Variants in CROT observed in about 807,000 individuals in gnomAD.
The protein encoded by CROT is peroxisomal carnitine O-octanoyltransferase.
CROT carries 84 observed loss-of-function variants against 89.2 expected under a neutral mutation model. The ratio of observed to expected loss-of-function variants is 0.94; its 90% CI spans 0.79 to 1.13. The LOEUF is 1.13. Ranked by LOEUF, CROT falls within the 50% of genes most tolerant of loss-of-function variation. The pLI is 0.00. For synonymous variants in CROT, 212 were observed against 239.5 expected (o/e 0.89, Z 1.06); for missense variants, 711 against 727.8 (o/e 0.98, Z 0.27).
chr7:87,354,182 CAGA>C (rs886085800), intron 3 of CROT, among the ~76,000 whole-genome samples: 4 of 152,158 alleles, frequency 2.6e-5, no homozygotes, highest in Non-Finnish European at 5.9e-5. Context: ...AGAAGCAATA[CAGA>C]AGGTTACATG....
At chr7:87,390,244 A>G (rs1333584643) in intron 13 of CROT, among the ~76,000 whole-genome samples, 2 of 152,172 alleles carry the variant, frequency 1.3e-5, no homozygotes, top group African/African-American at 4.8e-5. Context: ...TTTCTACTCC[A>G]TCTTTTAAGA....
intron 6 of CROT, among the ~76,000 whole-genome samples, chr7:87,368,802 A>T (rs1480497263): frequency 6.6e-6 from 1 of 152,224 alleles, no homozygotes; most frequent in Non-Finnish European, 1.5e-5. Flanking sequence ...GCAAACAAAC[A>T]GTTCTTGGGG....
In CROT at chr7:87,354,834, A is replaced by T. The variant is rs1806008074; in HGVS notation, c.116-4372A>T. 2.6e-5 allele frequency among the ~76,000 whole-genome samples: 4 copies of T among 152,334 alleles called. No homozygotes were observed. In the South Asian group the frequency reaches 8.3e-4, roughly 32 times the overall value. On this transcript the variant is annotated intron_variant, in intron 3 of 17. Coordinates refer to ENST00000331536, the MANE Select transcript of CROT (RefSeq NM_021151.4). ...AATCTTGTTTTAACATCGGGGACCAAAATTTAGAAAGACTTATTTATAAAT... is the reference window on the plus strand; with the variant it reads ...AATCTTGTTTTAACATCGGGGACCATAATTTAGAAAGACTTATTTATAAAT...
chr7:87,394,750 A>T (rs1807471929), intron 17 of CROT, among the ~76,000 whole-genome samples: 1 of 152,154 alleles, frequency 6.6e-6, no homozygotes, highest in Non-Finnish European at 1.5e-5. Flanking sequence ...TGATTCTAGA[A>T]AAAGCGAAGT....
At chr7:87,395,515 A>G (rs1446904796) in intron 17 of CROT, among the ~76,000 whole-genome samples, 1 of 152,190 alleles carries the variant, frequency 6.6e-6, no homozygotes, top group Non-Finnish European at 1.5e-5. Flanking sequence ...GGCCAACACT[A>G]CTGTTTTGTG....
At position 87,359,340 on chromosome 7, in the gene CROT, G is replaced by A. The variant is rs1458905218; in HGVS notation, c.240+10G>A. On this transcript the variant is annotated intron_variant, in intron 4 of 17. Coordinates refer to ENST00000331536, the MANE Select transcript of CROT (RefSeq NM_021151.4). Reference sequence around the variant, plus strand: ...AGGAAAAAGAAATTGGGTATTTGTTGTTATAATTGAATAATGATGATGTTT... The same window carrying A: ...AGGAAAAAGAAATTGGGTATTTGTTATTATAATTGAATAATGATGATGTTT... 4 of 1,589,026 alleles carry A rather than the reference G, an allele frequency of 2.5e-6. No individual in the cohort carries two copies. The highest frequency in any genetic ancestry group is 3.4e-6 in the Non-Finnish European group (4 of 1,165,142).
At chr7:87,357,114 A>C (rs1806104342) in intron 3 of CROT, among the ~76,000 whole-genome samples, 2 of 152,208 alleles carry the variant, frequency 1.3e-5, no homozygotes, top group Admixed American at 1.3e-4. Context: ...TGACAGTCAG[A>C]AGGCAAGTGT....
chr7:87,349,087 A>G lies in CROT; in HGVS notation c.19A>G (p.Lys7Glu), dbSNP rs1562925314. 1.2e-6 allele frequency: 2 copies of G among 1,600,592 alleles called. No homozygotes were observed. The highest frequency in any genetic ancestry group is 1.7e-6 in the Non-Finnish European group (2 of 1,170,868). The change falls in exon 3 of 18, where the codon AAA becomes GAA. Residue 7 changes from lysine to glutamate, a missense_variant. Transcript: ENST00000331536. Reference sequence around the variant, plus strand: ...TTTTATCATGGAAAATCAATTGGCTAAATCAACTGAAGAACGAACATTTCA... The same window carrying G: ...TTTTATCATGGAAAATCAATTGGCTGAATCAACTGAAGAACGAACATTTCA... The part of the protein sequence containing the change: MENQLA[K>E]STEERTFQYQ...
chr7:87,369,872 A>G (rs1399685852), intron 7 of CROT, among the ~76,000 whole-genome samples: 1 of 139,768 alleles, frequency 7.2e-6, no homozygotes, highest in Non-Finnish European at 1.5e-5. Flanking sequence ...TATGGTATAC[A>G]TCTTCTATGT....
chr7:87,359,897 A>G (rs1336858354), intron 4 of CROT: 9 of 985,650 alleles, frequency 9.1e-6, no homozygotes, highest in Non-Finnish European at 1.1e-5. Flanking sequence ...CTTCTCTACT[A>G]TGAATCAGAG....
In CROT at chr7:87,345,685, A is replaced by C. The variant is rs1042244059; in HGVS notation, c.-195A>C. ...CTTCAGTCCAATTCCCGCACCTTTGAGGCCCAAGGGGGAGCGAGCCGGTGC... is the reference window on the plus strand; with the variant it reads ...CTTCAGTCCAATTCCCGCACCTTTGCGGCCCAAGGGGGAGCGAGCCGGTGC... On this transcript the variant is annotated 5_prime_UTR_variant, in exon 1 of 18. Coordinates refer to ENST00000331536, the MANE Select transcript of CROT (RefSeq NM_021151.4). 19 of 379,946 alleles carry C rather than the reference A, an allele frequency of 5.0e-5. No individual in the cohort carries two copies. Among genetic ancestry groups the C allele is most frequent in the Non-Finnish European group, 8.8e-5 (19 of 214,864 alleles). 23.5% of individuals were successfully genotyped at this position (379,946 alleles called of 1,614,324 possible).
At chr7:87,370,812 C>T (rs1806608528) in intron 7 of CROT, among the ~76,000 whole-genome samples, 1 of 152,160 alleles carries the variant, frequency 6.6e-6, no homozygotes, top group Admixed American at 6.5e-5. Context: ...TTTTGGTGTA[C>T]ACATGCATGT....
chr7:87,383,000 C>T (rs1227320348), intron 13 of CROT, among the ~76,000 whole-genome samples: 1 of 152,094 alleles, frequency 6.6e-6, no homozygotes, highest in African/African-American at 2.4e-5. Flanking sequence ...TATAATTGAA[C>T]ATATTTATCA....
In CROT at chr7:87,380,751, A is replaced by C. The variant is rs75805119; in HGVS notation, c.979-1159A>C. Reference sequence around the variant, plus strand: ...CAAAGAGACATCCTTCACTCTTGCTATTTCCTACTGGCTCCAGTAAAATAG... The same window carrying C: ...CAAAGAGACATCCTTCACTCTTGCTCTTTCCTACTGGCTCCAGTAAAATAG... On this transcript the variant is annotated intron_variant, in intron 10 of 17. Coordinates refer to ENST00000331536, the MANE Select transcript of CROT (RefSeq NM_021151.4). Among the ~76,000 whole-genome samples the C allele has an allele frequency of 5.9e-5, 9 of 152,298 alleles. No individual in the cohort carries two copies. In the East Asian group the frequency reaches 1.5e-3, roughly 26 times the overall value.
chr7:87,379,120 A>AG (rs1487353910), intron 10 of CROT, among the ~76,000 whole-genome samples: 1 of 152,132 alleles, frequency 6.6e-6, no homozygotes, highest in Non-Finnish European at 1.5e-5. Context: ...ACCCTTTGTA[A>AG]GGTGGTTAAC....
intron 3 of CROT, 52 bp from the exon 4 acceptor site, chr7:87,359,154 T>G: frequency 5.1e-6 from 6 of 1,173,046 alleles, no homozygotes; most frequent in Non-Finnish European, 6.3e-6. Flanking sequence ...ATAATAGAGG[T>G]GAGTTGGTGG....
At chr7:87,373,867 G>A (rs1342775084) in intron 7 of CROT, among the ~76,000 whole-genome samples, 1 of 152,048 alleles carries the variant, frequency 6.6e-6, no homozygotes, top group African/African-American at 2.4e-5. Context: ...GTGACGTATG[G>A]AGACGACAAT....
At position 87,382,454 on chromosome 7, in the gene CROT, T is replaced by A. The variant is rs140178619; in HGVS notation, c.1212T>A (p.Phe404Leu). ...TTGCGGCTTATGCCTTTACATCTTT[T>A]GGCAAAAAGCTAACCAAGAACAAGA... ...LQIAAYAFTS[F>L]GKKLTKNKML... is the part of the protein sequence containing the mutation. Residue 404 changes from phenylalanine (F) to leucine (L), a missense_variant, in exon 13 of 18, where the codon TTT (phenylalanine) becomes TTA (leucine). Transcript: ENST00000331536. 16 of 1,613,774 alleles carry A rather than the reference T, an allele frequency of 9.9e-6. No homozygotes were observed. The highest frequency in any genetic ancestry group is 1.6e-4 in the Middle Eastern group (1 of 6,080).
chr7:87,385,007 C>T (rs1554393621), intron 13 of CROT, among the ~76,000 whole-genome samples: 2 of 151,918 alleles, frequency 1.3e-5, no homozygotes, highest in African/African-American at 2.4e-5. Flanking sequence ...CCTGTAAATA[C>T]ACGGATTTAT....
Sources: allele counts gnomAD v4.1 joint callset (sites outside exome capture counted in the v4.1 genomes callset), GRCh38; gene constraint gnomAD v4.1.1; transcripts MANE v1.5; gene names NCBI Gene and HGNC (gene_info 2026-07-23, HGNC 2026-07-21).